PFKFB3: variants seen among roughly 807,000 people sequenced by gnomAD.
PFKFB3 encodes 6-phosphofructo-2-kinase/fructose-2,6-biphosphatase 3.
Under a neutral mutation model 68.0 loss-of-function variants are expected in PFKFB3, and 33 were observed. The observed-to-expected ratio is 0.49, with a 90% CI of 0.37 to 0.65. The LOEUF is 0.65. Ranked by LOEUF, PFKFB3 falls within the 30% of genes least tolerant of loss-of-function variation. The pLI is 0.00. For missense variants in PFKFB3, 586 were observed against 712.2 expected, an observed-to-expected ratio of 0.82 and a Z score of 2.02; for synonymous variants, 315 against 288.2, an observed-to-expected ratio of 1.09 and a Z score of -0.94.
rs1588515332 is a variant in PFKFB3, at chr10:6,221,514, A to G, written c.965A>G (p.Asn322Ser). 1.9e-6 allele frequency: 3 copies of G among 1,613,278 alleles called. No individual in the cohort carries two copies. Among genetic ancestry groups the G allele is most frequent in the African/African-American group, 1.3e-5 (1 of 75,026 alleles). The change falls in exon 9 of 15, where the codon AAT becomes AGT. Residue 322 changes from asparagine (N) to serine (S), a missense_variant. Coordinates refer to ENST00000379775, the MANE Select transcript of PFKFB3 (RefSeq NM_004566.4). Reference sequence around the variant, plus strand: ...CCCTACGAGCAGTGGAAGGCGCTCAATGAGATCGACGCGGTGAGTCCTGGG... The same window carrying G: ...CCCTACGAGCAGTGGAAGGCGCTCAGTGAGATCGACGCGGTGAGTCCTGGG... ...RLPYEQWKAL[N>S]EIDAGVCEEL...
intron 14 of PFKFB3, among the ~76,000 whole-genome samples, chr10:6,242,995 G>A (rs1025850327): frequency 2.0e-5 from 3 of 152,192 alleles, no homozygotes; most frequent in Non-Finnish European, 4.4e-5. Flanking sequence ...TGACTTGGGG[G>A]AGGCTGTCTG....
At chr10:6,268,543 C>T in the PFKFB3 span, among the ~76,000 whole-genome samples, 2,171 of 151,776 alleles carry the variant, frequency 0.014, 64 homozygotes, top group African/African-American at 0.049. Context: ...GAGAATCACT[C>T]GAACGCAGGA....
intron 1 of PFKFB3, among the ~76,000 whole-genome samples, chr10:6,159,157 G>C (rs1841895694): frequency 6.6e-6 from 1 of 152,186 alleles, no homozygotes; most frequent in Non-Finnish European, 1.5e-5. Flanking sequence ...CACTTTGAGA[G>C]ACGGAGGTAG....
intron 1 of PFKFB3, chr10:6,149,560 C>A (rs1038066123): frequency 2.9e-5 from 4 of 137,212 alleles, no homozygotes; most frequent in African/African-American, 1.1e-4. Flanking sequence ...GCACTCCAGC[C>A]TGGGCGACAG....
chr10:6,240,100 T>C (rs1480008694), downstream of PFKFB3, among the ~76,000 whole-genome samples: 1 of 152,242 alleles, frequency 6.6e-6, no homozygotes, highest in Admixed American at 6.5e-5. Context: ...AATAGTCTTT[T>C]ACTGCTTTGC....
the PFKFB3 span, among the ~76,000 whole-genome samples, chr10:6,285,972 GTTTTTTTTTTT>G: frequency 5.9e-4 from 53 of 89,084 alleles, no homozygotes; most frequent in Admixed American, 5.4e-3. Context: ...TCCTTTCACT[GTTTTTTTTTTT>G]TTTTTTTTTT....
chr10:6,238,653 T>A (rs1001969377), downstream of PFKFB3, among the ~76,000 whole-genome samples: 5 of 152,110 alleles, frequency 3.3e-5, no homozygotes, highest in Admixed American at 1.3e-4. Context: ...GTTGTACAGA[T>A]TATCTCATCA....
intron 1 of PFKFB3, among the ~76,000 whole-genome samples, chr10:6,166,386 C>A (rs529703510): frequency 6.6e-6 from 1 of 151,880 alleles, no homozygotes; most frequent in East Asian, 2.0e-4. Flanking sequence ...AGCCACCGCC[C>A]GGCTTAGTAT....
chr10:6,179,391 TTC>T (rs1306000332), intron 1 of PFKFB3, among the ~76,000 whole-genome samples: 1 of 152,266 alleles, frequency 6.6e-6, no homozygotes, highest in African/African-American at 2.4e-5. Flanking sequence ...ATCCTTTATT[TTC>T]TCTCGAAGTT....
chr10:6,222,081 A>ACGGTGCC (rs1202321766), intron 10 of PFKFB3, among the ~76,000 whole-genome samples: 1 of 152,120 alleles, frequency 6.6e-6, no homozygotes, highest in Non-Finnish European at 1.5e-5. Context: ...TTCCCCGTGC[A>ACGGTGCC]CGGTGCCCGG....
chr10:6,199,662 T>A (rs1843271489), upstream of PFKFB3, among the ~76,000 whole-genome samples: 1 of 125,792 alleles, frequency 7.9e-6, no homozygotes, highest in African/African-American at 3.5e-5. Context: ...TTTTAAATTT[T>A]TTTTTTTTTT....
chr10:6,202,443 G>C (rs2131855344), upstream of PFKFB3: 1 of 152,470 alleles, frequency 6.6e-6, no homozygotes, highest in African/African-American at 2.4e-5. Context: ...TCCTTACCTG[G>C]ACTGCGCCTG....
intron 1 of PFKFB3, among the ~76,000 whole-genome samples, chr10:6,194,995 C>T (rs1381807501): frequency 2.0e-5 from 3 of 151,926 alleles, no homozygotes; most frequent in Non-Finnish European, 2.9e-5. Context: ...GCCTTGGCCT[C>T]CCGAGTAGCT....
chr10:6,183,612 AAAATATATAT>A, intron 1 of PFKFB3, among the ~76,000 whole-genome samples: 1 of 55,252 alleles, frequency 1.8e-5, no homozygotes, highest in African/African-American at 6.6e-5. Context: ...AAAAAAAAAA[AAAATATATAT>A]ATATATATAT....
intron 14 of PFKFB3, among the ~76,000 whole-genome samples, chr10:6,232,580 G>A (rs1469454161): frequency 1.3e-5 from 2 of 152,154 alleles, no homozygotes; most frequent in Admixed American, 6.5e-5. Flanking sequence ...TGAGCATGAG[G>A]CTCCTGTAGT....
chr10:6,201,357 C>T (rs1199854637), upstream of PFKFB3, among the ~76,000 whole-genome samples: 1 of 151,892 alleles, frequency 6.6e-6, no homozygotes, highest in Non-Finnish European at 1.5e-5. The surrounding 1 kb of genome is among the most constrained non-coding windows in gnomAD (Gnocchi z 4.1). Context: ...GCCGCCAGAG[C>T]GCGGAAACCA....
chr10:6,292,935 A>G, the PFKFB3 span, among the ~76,000 whole-genome samples: 1 of 152,218 alleles, frequency 6.6e-6, no homozygotes, highest in East Asian at 1.9e-4. Flanking sequence ...TGAACAGGTT[A>G]TCAGATGAAA....
In PFKFB3 at chr10:6,208,371, C is replaced by CTTTTTTTTTTTTTTTTTTTTT. The variant is rs35447462; in HGVS notation, c.76+5037_76+5057dup. ...ACAGGTGTAAGCCAGGGTACCTGGCCTTTTTTTTTTTTTTTTTTTTTTGCC... is the reference window on the plus strand; with the variant it reads ...ACAGGTGTAAGCCAGGGTACCTGGCCTTTTTTTTTTTTTTTTTTTTTTTTTTTTTTTTTTTTTTTTTTTGCC... On this transcript the variant is annotated intron_variant, in intron 1 of 14. Coordinates refer to ENST00000379775, the MANE Select transcript of PFKFB3 (RefSeq NM_004566.4). 2.0e-4 allele frequency among the ~76,000 whole-genome samples: 12 copies of CTTTTTTTTTTTTTTTTTTTTT among 60,634 alleles called. 1 individual carries two copies. The highest frequency in any genetic ancestry group is 3.3e-4 in the African/African-American group (5 of 14,954). The allele number at this position is 60,634 out of a possible 152,430, so 39.8% of individuals were successfully genotyped here.
At position 6,224,627 on chromosome 10, in the gene PFKFB3, C is replaced by T. The variant is rs776307890; in HGVS notation, c.1341+414C>T. On this transcript the variant is annotated intron_variant, in intron 13 of 14. Coordinates refer to ENST00000379775, the MANE Select transcript of PFKFB3 (RefSeq NM_004566.4). ...TCCCGCGTAGCTGAGACTACAGGTG[C>T]GCACCACCATGCCCAGCTAATTTTA... 46 of 365,500 alleles carry T rather than the reference C, an allele frequency of 1.3e-4. 1 individual carries two copies. The highest frequency in any genetic ancestry group is 6.0e-4 in the South Asian group (30 of 49,704). 22.6% of individuals were successfully genotyped at this position (365,500 alleles called of 1,614,324 possible).
Sources: gnomAD v4.1 joint callset for allele counts (sites outside exome capture counted in the v4.1 genomes callset) on GRCh38, gnomAD v4.1.1 for gene constraint, Gnocchi (gnomAD v3.1) non-coding constraint, MANE v1.5 for transcripts, NCBI Gene and HGNC (gene_info 2026-07-23, HGNC 2026-07-21) for gene names.